SNCAIP: variants seen among roughly 807,000 people sequenced by gnomAD.
SNCAIP encodes synphilin-1.
A neutral mutation model predicts 86.7 loss-of-function variants in SNCAIP; 43 were observed. The ratio of observed to expected loss-of-function variants is 0.50; its 90% CI spans 0.39 to 0.64. The LOEUF (loss-of-function observed/expected upper bound fraction) is 0.64. Among genes scored for constraint, SNCAIP ranks in the 30% least tolerant of loss-of-function variants. SNCAIP has a pLI of 0.00. For synonymous variants in SNCAIP, 417 were observed against 427.2 expected (o/e 0.98, Z 0.29); for missense variants, 981 against 1,103.1 (o/e 0.89, Z 1.57).
At chr5:122,443,972 C>T (rs1200992020) in intron 7 of SNCAIP, 1 of 416,042 alleles carries the variant, frequency 2.4e-6, no homozygotes, top group African/African-American at 2.1e-5. Context: ...TCACACAAAG[C>T]TTTCTTCTAC....
chr5:122,361,099 A>C (rs1404412196), intron 1 of SNCAIP, among the ~76,000 whole-genome samples: 1 of 151,870 alleles, frequency 6.6e-6, no homozygotes, highest in Non-Finnish European at 1.5e-5. Flanking sequence ...CTTTCAGCAA[A>C]ATTTTACATT....
At chr5:122,420,811 A>G (rs1776227237) in intron 3 of SNCAIP, among the ~76,000 whole-genome samples, 1 of 152,222 alleles carries the variant, frequency 6.6e-6, no homozygotes, top group South Asian at 2.1e-4. Context: ...AAAACTTCTT[A>G]AATTTATGAG....
chr5:122,329,353 G>A (rs1051687702), intron 1 of SNCAIP, among the ~76,000 whole-genome samples: 1 of 151,732 alleles, frequency 6.6e-6, no homozygotes, highest in African/African-American at 2.4e-5. Context: ...ATTAAAAAGA[G>A]GTTAATTATT....
intron 3 of SNCAIP, among the ~76,000 whole-genome samples, chr5:122,408,214 A>T (rs908058629): frequency 2.0e-5 from 3 of 152,176 alleles, no homozygotes; most frequent in Admixed American, 1.3e-4. Flanking sequence ...TCTGCTCGGA[A>T]ACCTGTCAGC....
chr5:122,443,362 T>G (rs571255328), intron 7 of SNCAIP, among the ~76,000 whole-genome samples: 2 of 152,360 alleles, frequency 1.3e-5, no homozygotes, highest in Admixed American at 6.5e-5. Context: ...TGGAATCTAA[T>G]AATATCACAG....
chr5:122,343,710 T>C (rs1190665371), intron 1 of SNCAIP, among the ~76,000 whole-genome samples: 2 of 152,220 alleles, frequency 1.3e-5, no homozygotes, highest in Non-Finnish European at 2.9e-5. Flanking sequence ...TGTTGATCTC[T>C]GTGCACTGTA....
chr5:122,451,265 T>C lies in SNCAIP; in HGVS notation c.2418T>C (p.Arg806=), dbSNP rs763248848. ...CCCTCAAGTCTCCATCTTCCAAGCG[T>C]AGGACATCTCAGAACTTAAAACTGA... is the stretch of plus-strand genomic sequence containing the variant. ...KSALKSPSSK[R]RTSQNLKLRV... is the part of the protein sequence containing the mutation. Residue 806 remains arginine, a synonymous_variant, in exon 10 of 11, where the codon CGT becomes CGC. Coordinates refer to ENST00000261368, the MANE Select transcript of SNCAIP (RefSeq NM_005460.4). 1.4e-5 allele frequency: 23 copies of C among 1,614,028 alleles called. No individual in the cohort carries two copies. Among genetic ancestry groups the C allele is most frequent in the Admixed American group, 1.2e-4 (7 of 60,000 alleles).
chr5:122,463,540 A>C lies in SNCAIP; in HGVS notation c.*44A>C. The C allele has an allele frequency of 6.2e-7, 1 of 1,607,686 alleles. No homozygotes were observed. The highest frequency in any genetic ancestry group is 8.5e-7 in the Non-Finnish European group (1 of 1,175,268). ...GAAGAAATCCTACAGCATAAAGCAC[A>C]TTGCTGAGCCAGAGTCAAAAGAACT... is the stretch of plus-strand genomic sequence containing the variant. On this transcript the variant is annotated 3_prime_UTR_variant, in exon 11 of 11. Coordinates refer to ENST00000261368, the MANE Select transcript of SNCAIP (RefSeq NM_005460.4).
intron 5 of SNCAIP, among the ~76,000 whole-genome samples, chr5:122,429,236 A>G (rs1415165709): frequency 6.6e-6 from 1 of 151,866 alleles, no homozygotes; most frequent in Non-Finnish European, 1.5e-5. Flanking sequence ...AGTGGGAAGG[A>G]GAAAGACTTC....
chr5:122,316,428 A>T (rs1404444873), intron 1 of SNCAIP, among the ~76,000 whole-genome samples: 1 of 152,214 alleles, frequency 6.6e-6, no homozygotes, highest in Non-Finnish European at 1.5e-5. Flanking sequence ...CCCTTAAAGG[A>T]CACTGGAGCA....
chr5:122,385,566 C>G (rs1767933797), intron 1 of SNCAIP, among the ~76,000 whole-genome samples: 1 of 152,032 alleles, frequency 6.6e-6, no homozygotes, highest in Non-Finnish European at 1.5e-5. Context: ...ATTTTGTGAT[C>G]ATTTTAAGTT....
intron 2 of SNCAIP, among the ~76,000 whole-genome samples, chr5:122,401,857 T>C (rs1297069278): frequency 2.6e-5 from 4 of 152,148 alleles, no homozygotes; most frequent in African/African-American, 9.7e-5. Context: ...TGAGGCCAAA[T>C]AGGAAAAGTT....
At chr5:122,387,118 A>G (rs1336614780) in intron 1 of SNCAIP, among the ~76,000 whole-genome samples, 1 of 152,082 alleles carries the variant, frequency 6.6e-6, no homozygotes, top group African/African-American at 2.4e-5. Flanking sequence ...GGGGCCTATG[A>G]TGCATAGCAA....
At chr5:122,373,088 G>A (rs1177767406) in intron 1 of SNCAIP, among the ~76,000 whole-genome samples, 2 of 152,096 alleles carry the variant, frequency 1.3e-5, no homozygotes, top group Non-Finnish European at 2.9e-5. Context: ...GTGGAGTGGT[G>A]TACTTTCAAC....
At chr5:122,366,193 A>G (rs898462404) in intron 1 of SNCAIP, among the ~76,000 whole-genome samples, 9 of 152,174 alleles carry the variant, frequency 5.9e-5, no homozygotes, top group Admixed American at 1.3e-4. Context: ...AAAAGCAGGG[A>G]AGCCACCAGC....
chr5:122,363,768 AAAT>A (rs886140713), intron 1 of SNCAIP, among the ~76,000 whole-genome samples: 4 of 150,720 alleles, frequency 2.7e-5, no homozygotes, highest in Admixed American at 2.0e-4. Context: ...GCATCTGAAA[AAAT>A]AAGCATTTAT....
chr5:122,422,107 A>G (rs531724488), intron 3 of SNCAIP, among the ~76,000 whole-genome samples: 1 of 151,398 alleles, frequency 6.6e-6, no homozygotes, highest in Admixed American at 6.6e-5. Flanking sequence ...GGAGGGCAGT[A>G]TTGAATCCTA....
intron 1 of SNCAIP, among the ~76,000 whole-genome samples, chr5:122,383,197 C>G (rs898328461): frequency 9.2e-5 from 14 of 152,326 alleles, no homozygotes; most frequent in African/African-American, 3.4e-4. Flanking sequence ...AGCGAGACTC[C>G]GTGGGCGTAG....
chr5:122,410,835 C>T (rs1182324370), intron 3 of SNCAIP, among the ~76,000 whole-genome samples: 1 of 152,054 alleles, frequency 6.6e-6, no homozygotes, highest in Non-Finnish European at 1.5e-5. Context: ...AACAAACAAA[C>T]AAAAAAAGAA....
Sources: gnomAD v4.1 joint callset for allele counts (sites outside exome capture counted in the v4.1 genomes callset) on GRCh38, gnomAD v4.1.1 for gene constraint, MANE v1.5 for transcripts, NCBI Gene and HGNC (gene_info 2026-07-23, HGNC 2026-07-21) for gene names.